Variants in EXT2 observed in about 807,000 individuals in gnomAD.
EXT2 encodes exostosin glycosyltransferase 2.
EXT2 carries 53 observed loss-of-function variants against 81.6 expected under a neutral mutation model. The ratio of observed to expected loss-of-function variants is 0.65; its 90% CI spans 0.52 to 0.82. EXT2 has a LOEUF of 0.82. Ranked by LOEUF, EXT2 falls within the 40% of genes least tolerant of loss-of-function variation. EXT2 has a pLI of 0.00. For missense variants in EXT2, 774 were observed against 910.2 expected (o/e 0.85, Z 1.93); for synonymous variants, 320 against 340.0 (o/e 0.94, Z 0.65).
In EXT2 at chr11:44,250,239, G is replaced by A. The variant is rs1196393423; in HGVS notation, c.*5952G>A. Among the ~76,000 whole-genome samples, 4 of 152,208 alleles carry A rather than the reference G, an allele frequency of 2.6e-5. No homozygotes were observed. The highest frequency in any genetic ancestry group is 7.2e-5 in the African/African-American group (3 of 41,452). ...ATCAGTGGCCCAGGACTCTAAGCAT[G>A]TATGTTTTAGTCCCAGCTGTAAATG... On this transcript the variant is annotated 3_prime_UTR_variant, in exon 14 of 14. Transcript: ENST00000533608.
chr11:44,103,029 A>T (rs953202182), intron 1 of EXT2, among the ~76,000 whole-genome samples: 1 of 152,054 alleles, frequency 6.6e-6, no homozygotes, highest in South Asian at 2.1e-4. Flanking sequence ...TTTGATGGAA[A>T]ATTCTTAATG....
At chr11:44,184,646 G>A (rs1363830016) in intron 8 of EXT2, among the ~76,000 whole-genome samples, 1 of 152,150 alleles carries the variant, frequency 6.6e-6, no homozygotes, top group Admixed American at 6.5e-5. Flanking sequence ...AGCTACTCGG[G>A]AGGCTGAGGC....
chr11:44,126,812 G>T lies in EXT2; in HGVS notation c.940-4G>T, dbSNP rs761482170. On this transcript the variant is annotated splice_polypyrimidine_tract_variant and splice_region_variant and intron_variant, in intron 5 of 13. Transcript: ENST00000533608. ...TAATCTCTTGCCTCTTTGTGTTCCT[G>T]CAGGAGGCTACTTTCTGTGTGGTTC... 3 of 1,614,170 alleles carry T rather than the reference G, an allele frequency of 1.9e-6. No individual in the cohort carries two copies. In the South Asian group the frequency reaches 3.3e-5, roughly 18 times the overall value.
chr11:44,140,505 GA>G (rs1414371619), intron 7 of EXT2, among the ~76,000 whole-genome samples: 1 of 152,118 alleles, frequency 6.6e-6, no homozygotes, highest in Non-Finnish European at 1.5e-5. Context: ...TTCTTTGCTG[GA>G]AAACTGCAGC....
chr11:44,230,206 G>T (rs1160106285), intron 10 of EXT2, among the ~76,000 whole-genome samples: 3 of 152,146 alleles, frequency 2.0e-5, no homozygotes, highest in Non-Finnish European at 2.9e-5. Flanking sequence ...CCAGCCAGAA[G>T]AAACAGCAAG....
In EXT2 at chr11:44,130,171, G is replaced by A. The variant is rs766323255; in HGVS notation, c.1173+33G>A. 5.1e-6 allele frequency: 8 copies of A among 1,561,164 alleles called. No individual in the cohort carries two copies. The South Asian group carries it at 8.9e-5, about 17-fold the overall frequency. ...GCCAAGTCTTGGGGAGGTGACATGG[G>A]TGGTACCGAAATGGTGGCCTTGACT... On this transcript the variant is annotated intron_variant, in intron 7 of 13. Coordinates refer to ENST00000533608, the MANE Select transcript of EXT2 (RefSeq NM_207122.2).
At chr11:44,121,913 T>TCTCTTAAGCAGAAG (rs1482750581) in intron 4 of EXT2, among the ~76,000 whole-genome samples, 17 of 151,958 alleles carry the variant, frequency 1.1e-4, no homozygotes, top group Non-Finnish European at 2.2e-4. Context: ...TTACTACTCT[T>TCTCTTAAGCAGAAG]CTCTTAAGCA....
chr11:44,182,052 T>C (rs989182143), intron 8 of EXT2, among the ~76,000 whole-genome samples: 8 of 152,200 alleles, frequency 5.3e-5, no homozygotes, highest in African/African-American at 1.4e-4. Context: ...GGGGAAAGGA[T>C]GGATAATAAT....
At position 44,199,622 on chromosome 11, in the gene EXT2, T is replaced by C. The variant is rs985910249; in HGVS notation, c.1495+1604T>C. ...GCTAAATGCAAAAGAGGCTTCTCCTTATTACTCCTGGTTAGCCACTTTAGG... is the reference window on the plus strand; with the variant it reads ...GCTAAATGCAAAAGAGGCTTCTCCTCATTACTCCTGGTTAGCCACTTTAGG... On this transcript the variant is annotated intron_variant, in intron 9 of 13. Coordinates refer to ENST00000533608, the MANE Select transcript of EXT2 (RefSeq NM_207122.2). Among the ~76,000 whole-genome samples, 7 of 152,270 alleles carry C rather than the reference T, an allele frequency of 4.6e-5. 1 individual carries two copies. The highest frequency in any genetic ancestry group is 3.9e-4 in the Admixed American group (6 of 15,294).
At chr11:44,168,199 G>T (rs1318597858) in intron 7 of EXT2, among the ~76,000 whole-genome samples, 1 of 115,826 alleles carries the variant, frequency 8.6e-6, no homozygotes, top group Non-Finnish European at 2.0e-5. Context: ...ATGAAATTAA[G>T]AATTTAATAC....
At chr11:44,105,659 T>A (rs889433220) in intron 1 of EXT2, among the ~76,000 whole-genome samples, 1 of 152,192 alleles carries the variant, frequency 6.6e-6, no homozygotes, top group Non-Finnish European at 1.5e-5. Context: ...ACATGGTAAG[T>A]ATGTGGCAGA....
At chr11:44,201,537 T>C (rs1277909106) in intron 9 of EXT2, among the ~76,000 whole-genome samples, 2 of 152,240 alleles carry the variant, frequency 1.3e-5, no homozygotes, top group African/African-American at 4.8e-5. Flanking sequence ...CAGATCTTTC[T>C]AGATCCAAAG....
intron 8 of EXT2, among the ~76,000 whole-genome samples, chr11:44,192,970 T>A (rs373272152): frequency 3.9e-5 from 6 of 152,184 alleles, no homozygotes; most frequent in Non-Finnish European, 8.8e-5. Context: ...CAGGCCTGAG[T>A]CATTTGGCTT....
intron 10 of EXT2, among the ~76,000 whole-genome samples, chr11:44,207,816 C>T (rs1373832912): frequency 6.6e-6 from 1 of 151,998 alleles, no homozygotes; most frequent in Non-Finnish European, 1.5e-5. Context: ...TTTTTAAACA[C>T]TTAAATTGAA....
chr11:44,210,766 GAT>G (rs1028502082), intron 10 of EXT2, among the ~76,000 whole-genome samples: 2 of 152,214 alleles, frequency 1.3e-5, no homozygotes, highest in African/African-American at 4.8e-5. Context: ...ATGTGTGCCA[GAT>G]ATGTTTAGTG....
chr11:44,109,302 G>T lies in EXT2; in HGVS notation c.626+19G>T, dbSNP rs370903897. 6.2e-7 allele frequency: 1 copy of T among 1,603,514 alleles called. No individual in the cohort carries two copies. Among genetic ancestry groups the T allele is most frequent in the African/African-American group, 1.3e-5 (1 of 74,696 alleles). ...GAGACAGGTAGGAGGCATATTTGGG[G>T]CTGTCCTTATGATGGGTTCAAGATC... On this transcript the variant is annotated intron_variant, in intron 3 of 13. Transcript: ENST00000533608.
At chr11:44,110,150 T>C (rs1406356020) in intron 3 of EXT2, among the ~76,000 whole-genome samples, 2 of 152,214 alleles carry the variant, frequency 1.3e-5, no homozygotes, top group Non-Finnish European at 2.9e-5. Flanking sequence ...GGTAACAGCC[T>C]GAGGTATTAG....
In EXT2 at chr11:44,251,874, C is replaced by T. The variant is rs7126447; in HGVS notation, c.*7587C>T. Among the ~76,000 whole-genome samples the T allele has an allele frequency of 0.078, 11,796 of 152,142 alleles. 601 individuals carry two copies. The highest frequency in any genetic ancestry group is 0.14 in the Middle Eastern group (42 of 294). ...CTGAACAAAACAATGTACCTACTTTCGTCAAGCTTACATTCTAATGAGGAA... is the reference window on the plus strand; with the variant it reads ...CTGAACAAAACAATGTACCTACTTTTGTCAAGCTTACATTCTAATGAGGAA... On this transcript the variant is annotated 3_prime_UTR_variant, in exon 14 of 14. Coordinates refer to ENST00000533608, the MANE Select transcript of EXT2 (RefSeq NM_207122.2).
At chr11:44,106,163 C>T (rs1251994378) in intron 1 of EXT2, among the ~76,000 whole-genome samples, 1 of 152,160 alleles carries the variant, frequency 6.6e-6, no homozygotes, top group East Asian at 1.9e-4. Flanking sequence ...ATAAAGCTAG[C>T]CTAGATTCAT....
Sources: gnomAD v4.1 joint callset for allele counts (sites outside exome capture counted in the v4.1 genomes callset) on GRCh38, gnomAD v4.1.1 for gene constraint, MANE v1.5 for transcripts, NCBI Gene and HGNC (gene_info 2026-07-23, HGNC 2026-07-21) for gene names.